The following MDGA2 variants were observed in gnomAD, a reference collection of about 807,000 sequenced individuals.
MDGA2 encodes the protein MAM domain-containing glycosylphosphatidylinositol anchor protein 2.
MDGA2 carries 40 observed loss-of-function variants against 117.8 expected under a neutral mutation model. The observed-to-expected ratio is 0.34, with a 90% CI of 0.26 to 0.44. The LOEUF is 0.44. Ranked by LOEUF, MDGA2 falls within the 20% of genes least tolerant of loss-of-function variation. The pLI is 1.00. For missense variants in MDGA2, 1,123 were observed against 1,250.6 expected, an observed-to-expected ratio of 0.90 and a Z score of 1.54; for synonymous variants, 452 against 439.0, an observed-to-expected ratio of 1.03 and a Z score of -0.37.
At position 47,317,050 on chromosome 14, in the gene MDGA2, C is replaced by T. The variant is rs373509498; in HGVS notation, c.281-15500G>A. Among the ~76,000 whole-genome samples, 8 of 152,176 alleles carry T rather than the reference C, an allele frequency of 5.3e-5. No homozygotes were observed. In the South Asian group the frequency reaches 1.7e-3, roughly 32 times the overall value. On this transcript the variant is annotated intron_variant, in intron 1 of 16. Coordinates refer to ENST00000399232, the MANE Select transcript of MDGA2 (RefSeq NM_001113498.3). ...CCAGTACCTTAAAGTGGTGTTTTGT[C>T]ACTGACCTACATTAGTATATCAAAC...
rs555237551 is a variant in MDGA2, at chr14:47,675,472, C to T, written c.-676G>A. On this transcript the variant is annotated 5_prime_UTR_variant, in exon 1 of 17. Coordinates refer to ENST00000399232, the MANE Select transcript of MDGA2 (RefSeq NM_001113498.3). ...TCTGGAGCTCGCTTGGGCACACCAG[C>T]CCAGCCGCCACCGCCACCGCTCTCC... is the stretch of plus-strand genomic sequence containing the variant. Among the ~76,000 whole-genome samples, 1 of 152,030 alleles carries T rather than the reference C, an allele frequency of 6.6e-6. No individual in the cohort carries two copies. The highest frequency in any genetic ancestry group is 6.5e-5 in the Admixed American group (1 of 15,282).
chr14:47,174,317 C>T (rs1261205826), intron 3 of MDGA2, among the ~76,000 whole-genome samples: 2 of 152,148 alleles, frequency 1.3e-5, no homozygotes, highest in Non-Finnish European at 2.9e-5. Flanking sequence ...ATCTGCAGAA[C>T]TCTCCACCCC....
chr14:47,370,468 GTTTTTTTTTT>G (rs67255552), intron 1 of MDGA2, among the ~76,000 whole-genome samples: 5 of 20,678 alleles, frequency 2.4e-4, no homozygotes, highest in African/African-American at 6.7e-4. Flanking sequence ...TCTACTTACT[GTTTTTTTTTT>G]TTTTTTTTTT....
At chr14:47,535,362 C>T (rs570451183) in intron 1 of MDGA2, among the ~76,000 whole-genome samples, 2 of 152,170 alleles carry the variant, frequency 1.3e-5, no homozygotes, top group African/African-American at 2.4e-5. Flanking sequence ...TAGGTTAACA[C>T]CTAACTTTGG....
At chr14:47,237,645 A>G (rs1458442507) in intron 2 of MDGA2, among the ~76,000 whole-genome samples, 1 of 152,178 alleles carries the variant, frequency 6.6e-6, no homozygotes, top group East Asian at 1.9e-4. Flanking sequence ...AAAAAGTAGC[A>G]AATTAAAACT....
intron 14 of MDGA2, among the ~76,000 whole-genome samples, chr14:46,862,112 A>G (rs1881534145): frequency 6.6e-6 from 1 of 151,994 alleles, no homozygotes; most frequent in Non-Finnish European, 1.5e-5. Context: ...ATCATCTCCA[A>G]GGATTTTCAA....
chr14:47,053,601 GTATATATATATATATATATA>G lies in MDGA2; in HGVS notation c.1525+7628_1525+7647del, dbSNP rs373802720. ...TAGCAAATACTCCTAGTGTGTATGT[GTATATATATATATATATATA>G]TATATATATATATATATATATATAT... is the stretch of plus-strand genomic sequence containing the variant. On this transcript the variant is annotated intron_variant, in intron 7 of 16. Coordinates refer to ENST00000399232, the MANE Select transcript of MDGA2 (RefSeq NM_001113498.3). 6.6e-3 allele frequency among the ~76,000 whole-genome samples: 709 copies of G among 107,598 alleles called. 16 individuals carry two copies. The highest frequency in any genetic ancestry group is 9.0e-3 in the African/African-American group (238 of 26,338). 70.6% of individuals were successfully genotyped at this position (107,598 alleles called of 152,430 possible).
At chr14:47,232,237 T>C (rs548624247) in intron 2 of MDGA2, among the ~76,000 whole-genome samples, 3 of 152,070 alleles carry the variant, frequency 2.0e-5, no homozygotes, top group Admixed American at 6.6e-5. Flanking sequence ...ACAGTATACA[T>C]AGTCAAGAAA....
At position 46,903,466 on chromosome 14, in the gene MDGA2, A is replaced by G. The variant is rs547798181; in HGVS notation, c.2238+16546T>C. On this transcript the variant is annotated intron_variant, in intron 10 of 16. Transcript: ENST00000399232. ...ACCTCAAAACAGTAAATTTTATTTG[A>G]ATGATTTAGAAGACTTATGTTAGAA... Among the ~76,000 whole-genome samples the G allele has an allele frequency of 5.9e-5, 9 of 152,278 alleles. 1 individual carries two copies. Among genetic ancestry groups the G allele is most frequent in the African/African-American group, 1.9e-4 (8 of 41,550 alleles).
At chr14:47,234,405 T>C (rs1281399106) in intron 2 of MDGA2, among the ~76,000 whole-genome samples, 1 of 152,108 alleles carries the variant, frequency 6.6e-6, no homozygotes, top group East Asian at 1.9e-4. Flanking sequence ...GAAATTTTGG[T>C]TTATCATAGC....
At chr14:46,918,760 C>CTTTTTTTTTTTTTTTTTTTTTTTT (rs34958634) in intron 10 of MDGA2, among the ~76,000 whole-genome samples, 11 of 124,808 alleles carry the variant, frequency 8.8e-5, no homozygotes, top group Non-Finnish European at 1.1e-4. Flanking sequence ...TACAGTGTAT[C>CTTTTTTTTTTTTTTTTTTTTTTTT]TTTTTTTTTT....
chr14:47,494,453 T>A (rs1054481738), intron 1 of MDGA2, among the ~76,000 whole-genome samples: 9 of 152,196 alleles, frequency 5.9e-5, no homozygotes, highest in African/African-American at 2.2e-4. Flanking sequence ...ATTTGCATTG[T>A]TTGCAAATAT....
intron 10 of MDGA2, among the ~76,000 whole-genome samples, chr14:46,918,340 G>A (rs1050760991): frequency 2.6e-5 from 4 of 152,170 alleles, no homozygotes; most frequent in Non-Finnish European, 5.9e-5. Context: ...AAGAGTATGA[G>A]GTGTGTAAAG....
chr14:47,018,919 G>A lies in MDGA2; in HGVS notation c.1819+16092C>T, dbSNP rs191276633. ...AAAACATAATTAGCGTACACCGTCC[G>A]TCCTCTGTGTTCACATGGCACCTCT... On this transcript the variant is annotated intron_variant, in intron 8 of 16. Transcript: ENST00000399232. Among the ~76,000 whole-genome samples, 7 of 152,104 alleles carry A rather than the reference G, an allele frequency of 4.6e-5. No individual in the cohort carries two copies. In the East Asian group the frequency reaches 9.7e-4, roughly 21 times the overall value.
chr14:47,400,758 C>CTTTTTTTTTTTT (rs570103742), intron 1 of MDGA2, among the ~76,000 whole-genome samples: 8 of 66,212 alleles, frequency 1.2e-4, no homozygotes, highest in African/African-American at 1.6e-4. Context: ...CTTTTCTTTT[C>CTTTTTTTTTTTT]TTTTTTTTTT....
chr14:47,197,961 T>C (rs892258372), intron 3 of MDGA2, among the ~76,000 whole-genome samples: 1 of 152,160 alleles, frequency 6.6e-6, no homozygotes, highest in Non-Finnish European at 1.5e-5. Flanking sequence ...TTTAGCACTA[T>C]GGAGTTATGG....
chr14:47,627,480 C>T (rs554083961), intron 1 of MDGA2, among the ~76,000 whole-genome samples: 1 of 152,212 alleles, frequency 6.6e-6, no homozygotes, highest in Non-Finnish European at 1.5e-5. Flanking sequence ...CACTCTGTGT[C>T]TAGCTCAGGG....
intron 1 of MDGA2, among the ~76,000 whole-genome samples, chr14:47,499,183 T>C (rs1232520084): frequency 1.3e-5 from 2 of 152,166 alleles, no homozygotes; most frequent in African/African-American, 4.8e-5. Flanking sequence ...TATAATATAA[T>C]GGAACAAAGT....
Position 47,674,400 on chromosome 14 carries a change from G to A in MDGA2, c.280+117C>T, listed in dbSNP as rs943450762. The A allele has an allele frequency of 1.5e-5, 13 of 846,552 alleles. No homozygotes were observed. In the African/African-American group the frequency reaches 2.1e-4, roughly 14 times the overall value. 52.4% of individuals were successfully genotyped at this position (846,552 alleles called of 1,614,324 possible). On this transcript the variant is annotated intron_variant, in intron 1 of 16. Coordinates refer to ENST00000399232, the MANE Select transcript of MDGA2 (RefSeq NM_001113498.3). The stretch of plus-strand genomic sequence containing the variant: ...ATCGCTCCCAATAACGTGATGAAGT[G>A]TAAATCAAATGCCACGCCGGGAGGG...
Sources: allele counts gnomAD v4.1 joint callset (sites outside exome capture counted in the v4.1 genomes callset), GRCh38; gene constraint gnomAD v4.1.1; transcripts MANE v1.5; gene names NCBI Gene and HGNC (gene_info 2026-07-23, HGNC 2026-07-21).